The following TEKT5 variants were observed in gnomAD, a reference collection of about 807,000 sequenced individuals.
TEKT5 encodes tektin 5.
TEKT5 carries 52 observed loss-of-function variants against 48.7 expected under a neutral mutation model. That is an observed-to-expected ratio of 1.07 (90% CI 0.86 to 1.35). TEKT5 has a LOEUF of 1.35. Ranked by LOEUF, TEKT5 falls within the 40% of genes most tolerant of loss-of-function variation. The pLI, the probability that TEKT5 is intolerant of heterozygous loss-of-function variation, is 0.00. For missense variants in TEKT5, 831 were observed against 641.6 expected, an observed-to-expected ratio of 1.30 and a Z score of -3.19; for synonymous variants, 318 against 267.6, an observed-to-expected ratio of 1.19 and a Z score of -1.84.
intron 5 of TEKT5, among the ~76,000 whole-genome samples, chr16:10,650,656 G>A (rs1377715068): frequency 2.0e-5 from 3 of 151,956 alleles, no homozygotes; most frequent in Non-Finnish European, 4.4e-5. Context: ...TGCCAAGGCA[G>A]GCGGATCATC....
intron 3 of TEKT5, among the ~76,000 whole-genome samples, chr16:10,685,730 C>T (rs937407948): frequency 7.9e-5 from 12 of 152,098 alleles, no homozygotes; most frequent in East Asian, 3.8e-4. Context: ...ACTCCCCACC[C>T]GTCTCTGTTT....
chr16:10,650,151 A>G (rs1482804444), intron 5 of TEKT5, among the ~76,000 whole-genome samples: 1 of 151,934 alleles, frequency 6.6e-6, no homozygotes, highest in East Asian at 1.9e-4. Context: ...GGCTCACTGC[A>G]ACCTCCGCTT....
Position 10,627,655 on chromosome 16 carries a change from G to A in TEKT5, c.1386C>T (p.Cys462=), listed in dbSNP as rs771633644. 5.0e-6 allele frequency: 8 copies of A among 1,614,096 alleles called. No homozygotes were observed. In the East Asian group the frequency reaches 1.8e-4, roughly 36 times the overall value. Residue 462 remains cysteine (C), a synonymous_variant, in exon 7 of 7, where the codon TGC becomes TGT. Coordinates refer to ENST00000283025, the MANE Select transcript of TEKT5 (RefSeq NM_144674.2). The part of the protein sequence containing the change: ...HELAIKANTL[C]IDKEKCMGMR... ...TGCCCATGCACTTCTCCTTGTCGATGCAGAGGGTGTTGGCCTTGATGGCGA... is the reference window on the plus strand; with the variant it reads ...TGCCCATGCACTTCTCCTTGTCGATACAGAGGGTGTTGGCCTTGATGGCGA...
At chr16:10,652,205 C>G (rs564075134) in intron 5 of TEKT5, among the ~76,000 whole-genome samples, 1 of 152,044 alleles carries the variant, frequency 6.6e-6, no homozygotes, top group African/African-American at 2.4e-5. Flanking sequence ...AAGTATGGAA[C>G]CCCTTCACTG....
At chr16:10,640,057 C>CTTT (rs1453289678) in intron 5 of TEKT5, among the ~76,000 whole-genome samples, 1 of 114,834 alleles carries the variant, frequency 8.7e-6, no homozygotes, top group African/African-American at 4.2e-5. Context: ...TCCTCCTCCT[C>CTTT]CTCCTTTTTC....
intron 6 of TEKT5, among the ~76,000 whole-genome samples, chr16:10,634,641 G>T (rs1438090038): frequency 6.6e-6 from 1 of 152,124 alleles, no homozygotes; most frequent in Non-Finnish European, 1.5e-5. Context: ...AAAGAGTGAT[G>T]GACTGTCACT....
intron 5 of TEKT5, among the ~76,000 whole-genome samples, chr16:10,662,435 TG>T (rs1898389846): frequency 6.6e-6 from 1 of 152,142 alleles, no homozygotes; most frequent in Non-Finnish European, 1.5e-5. Context: ...GGCCCCAGGT[TG>T]GGGAGAACAA....
intron 5 of TEKT5, among the ~76,000 whole-genome samples, chr16:10,650,793 A>C (rs1898143587): frequency 6.6e-6 from 1 of 151,958 alleles, no homozygotes; most frequent in Admixed American, 6.6e-5. Flanking sequence ...GCTGAGGCAC[A>C]AGAATCACTT....
intron 3 of TEKT5, among the ~76,000 whole-genome samples, chr16:10,686,340 C>T (rs567411696): frequency 9.9e-5 from 15 of 152,100 alleles, no homozygotes; most frequent in Middle Eastern, 3.4e-3. Flanking sequence ...ACATGTAACC[C>T]CTGCTACTCA....
rs201676909 is a variant in TEKT5 at position 10,627,605 on chromosome 16, G to C, written c.1436C>G (p.Pro479Arg). ...MGMRKTFPCT[P>R]RLVGHT ...TGCTCAGGTGTGGCCCACCAGGCGC[G>C]GGGTGCAGGGGAAGGTCTTACGCAT... Residue 479 changes from proline to arginine, a missense_variant, in exon 7 of 7, where the codon CCG becomes CGG. Transcript: ENST00000283025. The C allele has an allele frequency of 6.2e-7, 1 of 1,614,162 alleles. No homozygotes were observed. Among genetic ancestry groups the C allele is most frequent in the Non-Finnish European group, 8.5e-7 (1 of 1,180,000 alleles).
rs1180568077 is a variant in TEKT5 at position 10,635,991 on chromosome 16, G to GCT, written c.1087-74_1087-73insAG. 8 of 1,575,604 alleles carry GCT rather than the reference G, an allele frequency of 5.1e-6. No homozygotes were observed. In the East Asian group the frequency reaches 9.0e-5, roughly 18 times the overall value. On this transcript the variant is annotated intron_variant, in intron 5 of 6. Transcript: ENST00000283025. Reference sequence around the variant, plus strand: ...TCCTCTGACTGGGGGCCTGGGGGGAGCAAGTCAGCTAGGTCAGCCTCCAGC... The same window carrying GCT: ...TCCTCTGACTGGGGGCCTGGGGGGAGCTCAAGTCAGCTAGGTCAGCCTCCAGC...
At chr16:10,650,864 G>T (rs533754046) in intron 5 of TEKT5, among the ~76,000 whole-genome samples, 1 of 148,132 alleles carries the variant, frequency 6.8e-6, no homozygotes, top group Non-Finnish European at 1.5e-5. Flanking sequence ...CAGCCTGGGT[G>T]ACAGAGTAAG....
At chr16:10,655,331 G>C (rs570757475) in intron 5 of TEKT5, among the ~76,000 whole-genome samples, 2 of 152,150 alleles carry the variant, frequency 1.3e-5, no homozygotes, top group South Asian at 2.1e-4. Context: ...GAACCCACCG[G>C]AACTCCTGGT....
intron 5 of TEKT5, among the ~76,000 whole-genome samples, chr16:10,646,059 G>A (rs1898064657): frequency 6.6e-6 from 1 of 151,948 alleles, no homozygotes; most frequent in Non-Finnish European, 1.5e-5. Context: ...GAGCCCAGAA[G>A]GTCGAGGTCG....
chr16:10,655,460 A>T (rs1220870757), intron 5 of TEKT5, among the ~76,000 whole-genome samples: 1 of 152,128 alleles, frequency 6.6e-6, no homozygotes. Flanking sequence ...GCCATATAGG[A>T]TTATTGTGAG....
intron 5 of TEKT5, among the ~76,000 whole-genome samples, chr16:10,667,029 G>A (rs1435127016): frequency 6.9e-6 from 1 of 145,622 alleles, no homozygotes; most frequent in African/African-American, 2.5e-5. Flanking sequence ...TGTTGCACAG[G>A]CTGGAGTGCA....
chr16:10,641,235 C>T (rs2430640), intron 5 of TEKT5, among the ~76,000 whole-genome samples: 3,427 of 152,210 alleles, frequency 0.023, 133 homozygotes, highest in African/African-American at 0.079. Context: ...AGCAAGTCTT[C>T]AGAGAAGCAT....
At chr16:10,628,333 G>A (rs1485554945) in intron 6 of TEKT5, among the ~76,000 whole-genome samples, 1 of 152,204 alleles carries the variant, frequency 6.6e-6, no homozygotes, top group Admixed American at 6.5e-5. Context: ...GAAGAAATAA[G>A]ACAGGATGGT....
rs180837828 is a variant in TEKT5 at position 10,678,280 on chromosome 16, G to T, written c.864-2099C>A. On this transcript the variant is annotated intron_variant, in intron 4 of 6. Coordinates refer to ENST00000283025, the MANE Select transcript of TEKT5 (RefSeq NM_144674.2). ...CACTTGGCTAATTTTTGCATTTTTTGTAGAGACGGGGTTTCACCATGTTGG... is the reference window on the plus strand; with the variant it reads ...CACTTGGCTAATTTTTGCATTTTTTTTAGAGACGGGGTTTCACCATGTTGG... Among the ~76,000 whole-genome samples, 664 of 152,122 alleles carry T rather than the reference G, an allele frequency of 4.4e-3. 9 individuals carry two copies. The highest frequency in any genetic ancestry group is 0.02 in the Admixed American group (298 of 15,262).
Sources: gnomAD v4.1 joint callset for allele counts (sites outside exome capture counted in the v4.1 genomes callset) on GRCh38, gnomAD v4.1.1 for gene constraint, MANE v1.5 for transcripts, NCBI Gene and HGNC (gene_info 2026-07-23, HGNC 2026-07-21) for gene names.